The following MYO18A variants were observed in gnomAD, a reference collection of about 807,000 sequenced individuals.
MYO18A encodes unconventional myosin-XVIIIa.
In MYO18A, 78 loss-of-function variants were observed where a neutral mutation model predicts 235.8. The ratio of observed to expected loss-of-function variants is 0.33; its 90% CI spans 0.28 to 0.40. The LOEUF (loss-of-function observed/expected upper bound fraction) is 0.40, where lower values mean the gene tolerates loss of function less well. MYO18A is among the 10% of genes least tolerant of loss of function. The pLI, the probability that MYO18A is intolerant of heterozygous loss-of-function variation, is 1.00. For synonymous variants in MYO18A, 977 were observed against 1,077.8 expected (o/e 0.91, Z 1.83); for missense variants, 2,215 against 2,699.3 (o/e 0.82, Z 3.98).
intron 26 of MYO18A, 22 bp downstream of exon 26, chr17:29,097,766 G>A: frequency 2.5e-6 from 4 of 1,596,688 alleles, no homozygotes; most frequent in Non-Finnish European, 3.4e-6. Flanking sequence ...CCACTGCCGA[G>A]CTCCTTGGGC....
rs1023725749 is a variant in MYO18A at position 29,115,398 on chromosome 17, G to A, written c.2271C>T (p.Ala757=). The change falls in exon 13 of 42, where the codon GCC becomes GCT. Residue 757 remains alanine (A), a synonymous_variant. Transcript: ENST00000527372. ...GGGTGAAGAGCTCGCTGTAGAGGCC[G>A]GCCGCCATGCCCTCAAGGCACTCCA... ...SALECLEGMA[A]GLYSELFTLL... 124 of 1,613,766 alleles carry A rather than the reference G, an allele frequency of 7.7e-5. No homozygotes were observed. Among genetic ancestry groups the A allele is most frequent in the Middle Eastern group, 4.9e-4 (3 of 6,082 alleles).
rs561437236 is a variant in MYO18A at position 29,099,069 on chromosome 17, G to A, written c.3637-100C>T. 2.7e-6 allele frequency: 4 copies of A among 1,459,224 alleles called. No homozygotes were observed. The African/African-American group carries it at 4.2e-5, about 15-fold the overall frequency. 90.4% of individuals were successfully genotyped at this position (1,459,224 alleles called of 1,614,324 possible). A position where few individuals can be genotyped will look rare whatever the true frequency, so the allele number is the denominator to read the frequency against. ...ACCACCAGCACAGGCCCCCAGGGCT[G>A]CTCCTCTGGCCCCCTGACCCCGAGT... On this transcript the variant is annotated intron_variant, in intron 22 of 41. Coordinates refer to ENST00000527372, the MANE Select transcript of MYO18A (RefSeq NM_078471.4).
Position 29,125,801 on chromosome 17 carries a change from TC to T in MYO18A, c.1000-3549del. ...GGCCGCCATGGAGCCATCTTCATGG[TC>T]AGCGCGCCTACAGACACACACAGGG... On this transcript the variant is annotated intron_variant, in intron 2 of 41. Transcript: ENST00000527372. The surrounding 1 kb of genome is among the most constrained non-coding windows in gnomAD (Gnocchi z 5.1). 1 of 577,460 alleles carries T rather than the reference TC, an allele frequency of 1.7e-6. No individual in the cohort carries two copies. The highest frequency in any genetic ancestry group is 2.2e-6 in the Non-Finnish European group (1 of 455,734). The allele number at this position is 577,460 out of a possible 1,614,324, so 35.8% of individuals were successfully genotyped here.
intron 10 of MYO18A, among the ~76,000 whole-genome samples, 158 bp from the exon 11 acceptor site, chr17:29,116,613 G>GCACGCACACACACACACACA (rs1555532995): frequency 2.8e-5 from 4 of 144,806 alleles, no homozygotes; most frequent in Non-Finnish European, 6.0e-5. Flanking sequence ...TGGGACAAAC[G>GCACGCACACACACACACACA]CACACACACA....
At chr17:29,100,489 G>A (rs868754183) in intron 21 of MYO18A, among the ~76,000 whole-genome samples, 1 of 152,256 alleles carries the variant, frequency 6.6e-6, no homozygotes, top group African/African-American at 2.4e-5. Context: ...TTTGGGGGCT[G>A]GAGGGCAGGC....
chr17:29,178,125 G>A (rs982751120), intron 1 of MYO18A, among the ~76,000 whole-genome samples: 5 of 152,104 alleles, frequency 3.3e-5, no homozygotes, highest in African/African-American at 9.7e-5. Context: ...CCACTACCAG[G>A]GCCAGTGAGG....
At position 29,106,585 on chromosome 17, in the gene MYO18A, G is replaced by A. The variant is rs536956786; in HGVS notation, c.3441+495C>T. ...TGGGGCTCAAGGTGATAGCCCAGACGGGCAGGGACACCCCTTCCGCAGCCA... is the reference window on the plus strand; with the variant it reads ...TGGGGCTCAAGGTGATAGCCCAGACAGGCAGGGACACCCCTTCCGCAGCCA... On this transcript the variant is annotated intron_variant, in intron 20 of 41. Coordinates refer to ENST00000527372, the MANE Select transcript of MYO18A (RefSeq NM_078471.4). This position sits in a 1 kb window ranked among gnomAD's most constrained non-coding sequence, Gnocchi z 4.6. Among the ~76,000 whole-genome samples, 2 of 152,310 alleles carry A rather than the reference G, an allele frequency of 1.3e-5. No homozygotes were observed. Among genetic ancestry groups the A allele is most frequent in the African/African-American group, 2.4e-5 (1 of 41,568 alleles).
chr17:29,109,006 G>A lies in MYO18A; in HGVS notation c.3331+852C>T, dbSNP rs2066862677. ...TTATTTAGAGCAGGGCAGGGAGCCT[G>A]TTTCCTGGCTTGGGCTGCTAAGGAA... On this transcript the variant is annotated intron_variant, in intron 19 of 41. Transcript: ENST00000527372. This position sits in a 1 kb window ranked among gnomAD's most constrained non-coding sequence, Gnocchi z 4.1. Among the ~76,000 whole-genome samples, 2 of 152,126 alleles carry A rather than the reference G, an allele frequency of 1.3e-5. No individual in the cohort carries two copies. The highest frequency in any genetic ancestry group is 1.9e-4 in the East Asian group (1 of 5,202).
intron 37 of MYO18A, 92 bp downstream of exon 37, chr17:29,089,868 CG>C (rs769953204): frequency 2.7e-4 from 419 of 1,532,686 alleles, no homozygotes; most frequent in Non-Finnish European, 3.4e-4. Flanking sequence ...GAGGACTGTC[CG>C]GGGGCCTGTC....
chr17:29,129,437 A>G (rs539285199), intron 2 of MYO18A, among the ~76,000 whole-genome samples: 10 of 152,230 alleles, frequency 6.6e-5, no homozygotes, highest in African/African-American at 2.4e-4. Flanking sequence ...TCCCCCACAC[A>G]CTGGTGCTAA....
Position 29,110,625 on chromosome 17 carries a change from G to A in MYO18A, c.2901-3C>T, listed in dbSNP as rs755413240. 1.1e-4 allele frequency: 175 copies of A among 1,601,874 alleles called. 1 individual carries two copies. The Admixed American group carries it at 2.8e-3, about 26-fold the overall frequency. ...GAAACAGGTTGCTGATGATTTTTCT[G>A]CCAGAGGTGGGAGGATAAGGGAGGA... On this transcript the variant is annotated splice_region_variant and splice_polypyrimidine_tract_variant and intron_variant, in intron 17 of 41. Transcript: ENST00000527372.
chr17:29,120,815 G>C lies in MYO18A; in HGVS notation c.1586-57C>G. 1 of 1,587,034 alleles carries C rather than the reference G, an allele frequency of 6.3e-7. No homozygotes were observed. On this transcript the variant is annotated intron_variant, in intron 6 of 41. Transcript: ENST00000527372. The surrounding 1 kb of genome is among the most constrained non-coding windows in gnomAD (Gnocchi z 4.2). ...AAAGCCAGGGGCAGCTTATCCCCCA[G>C]CTAGGAGCTACCCCAGAGGTATGAA...
intron 1 of MYO18A, among the ~76,000 whole-genome samples, chr17:29,169,047 G>A (rs1298820194): frequency 1.3e-5 from 2 of 152,044 alleles, no homozygotes; most frequent in East Asian, 3.9e-4. Flanking sequence ...GCACACGCCT[G>A]TAATCCCAGC....
intron 2 of MYO18A, 126 bp downstream of exon 2, chr17:29,165,816 G>C: frequency 1.1e-6 from 1 of 912,880 alleles, no homozygotes; most frequent in Non-Finnish European, 1.6e-6. Context: ...GAGAGCAGCA[G>C]GGCTTCCCCA....
chr17:29,164,677 GA>G (rs1951545760), intron 2 of MYO18A, among the ~76,000 whole-genome samples: 1 of 152,200 alleles, frequency 6.6e-6, no homozygotes, highest in Admixed American at 6.5e-5. Context: ...GCTGGGAAGG[GA>G]AGATGGCCAG....
At chr17:29,141,733 C>A (rs533938420) in intron 2 of MYO18A, among the ~76,000 whole-genome samples, 2 of 152,226 alleles carry the variant, frequency 1.3e-5, no homozygotes, top group Non-Finnish European at 2.9e-5. Context: ...GGGATGTCCC[C>A]CCAGGGGAAG....
chr17:29,107,144 T>C lies in MYO18A; in HGVS notation c.3377A>G (p.Asp1126Gly), dbSNP rs1468064149. The C allele has an allele frequency of 1.2e-6, 2 of 1,613,906 alleles. No homozygotes were observed. The highest frequency in any genetic ancestry group is 4.5e-5 in the East Asian group (2 of 44,874). ...MVFSEFRRRF[D>G]VLAPHLTKKH... The stretch of plus-strand genomic sequence containing the variant: ...CTTGGTCAGGTGCGGGGCCAGGACA[T>C]CAAAGCGGCGGCGGAACTCGGAAAA... Residue 1126 changes from aspartate (D) to glycine (G), a missense_variant, in exon 20 of 42, where the codon GAT (aspartate) becomes GGT (glycine). Coordinates refer to ENST00000527372, the MANE Select transcript of MYO18A (RefSeq NM_078471.4).
intron 2 of MYO18A, among the ~76,000 whole-genome samples, chr17:29,138,785 C>T (rs1410983922): frequency 1.3e-5 from 2 of 152,180 alleles, no homozygotes; most frequent in Non-Finnish European, 2.9e-5. Flanking sequence ...AGGTCTCCTG[C>T]GAGAGCCCTC....
chr17:29,142,035 C>T (rs1303503560), intron 2 of MYO18A, among the ~76,000 whole-genome samples: 4 of 152,204 alleles, frequency 2.6e-5, no homozygotes, highest in Non-Finnish European at 5.9e-5. Context: ...AGCTCCGCCT[C>T]CCGGGTTCAC....
Sources: allele counts gnomAD v4.1 joint callset (sites outside exome capture counted in the v4.1 genomes callset), GRCh38; gene constraint gnomAD v4.1.1; non-coding constraint Gnocchi (gnomAD v3.1); transcripts MANE v1.5; gene names NCBI Gene and HGNC (gene_info 2026-07-23, HGNC 2026-07-21).